The following EFCAB7 variants were observed in gnomAD, a reference collection of about 807,000 sequenced individuals.
EFCAB7 encodes the protein EF-hand calcium-binding domain-containing protein 7.
A neutral mutation model predicts 77.1 loss-of-function variants in EFCAB7; 66 were observed. The ratio of observed to expected loss-of-function variants is 0.86; its 90% CI spans 0.70 to 1.05. The LOEUF (loss-of-function observed/expected upper bound fraction) is 1.05, where lower values mean the gene tolerates loss of function less well. Ranked by LOEUF, EFCAB7 falls within the 50% of genes least tolerant of loss-of-function variation. The pLI is 0.00. For synonymous variants in EFCAB7, 225 were observed against 243.3 expected (o/e 0.92, Z 0.70); for missense variants, 638 against 730.5 (o/e 0.87, Z 1.46).
chr1:63,570,239 G>C (rs1647222104), intron 12 of EFCAB7: 1 of 152,166 alleles, frequency 6.6e-6, no homozygotes, highest in South Asian at 2.1e-4. Flanking sequence ...ATAGTCATTA[G>C]GGTATGATCG....
intron 9 of EFCAB7, among the ~76,000 whole-genome samples, chr1:63,555,733 G>A (rs574471069): frequency 5.9e-4 from 89 of 152,002 alleles, no homozygotes; most frequent in African/African-American, 2.1e-3. Context: ...CTTATATGTG[G>A]GAACTTTTTT....
intron 10 of EFCAB7, among the ~76,000 whole-genome samples, chr1:63,560,514 T>A (rs1253446878): frequency 7.4e-5 from 1 of 13,478 alleles, no homozygotes; most frequent in East Asian, 3.2e-3. Context: ...ACTCTTAACT[T>A]TTTTTTTTTT....
At chr1:63,573,590 C>T (rs541996184), downstream of EFCAB7, among the ~76,000 whole-genome samples, 88 of 152,150 alleles carry the variant, frequency 5.8e-4, 1 homozygote, top group African/African-American at 2.0e-3. Flanking sequence ...CTGTGTAAAC[C>T]GGCAGTGTAA....
chr1:63,523,554 G>C lies in EFCAB7; in HGVS notation c.-82G>C, dbSNP rs530379973. ...GCCATGGTGATTAGAGAAAGGCCGA[G>C]ATCTGTCCAGCTGCGGTGAGAGGAA... On this transcript the variant is annotated 5_prime_UTR_variant, in exon 1 of 14. Coordinates refer to ENST00000371088, the MANE Select transcript of EFCAB7 (RefSeq NM_032437.4). The C allele has an allele frequency of 4.8e-5, 12 of 252,356 alleles. No individual in the cohort carries two copies. In the South Asian group the frequency reaches 5.5e-4, roughly 12 times the overall value. The allele number at this position is 252,356 out of a possible 1,614,324, so 15.6% of individuals were successfully genotyped here.
intron 3 of EFCAB7, 144 bp downstream of exon 3, chr1:63,532,175 A>T (rs1392657188): frequency 1.5e-6 from 1 of 670,406 alleles, no homozygotes; most frequent in African/African-American, 1.8e-5. Flanking sequence ...TAACGTACTT[A>T]GGAATCCTTC....
chr1:63,553,201 G>A (rs1161258295), intron 8 of EFCAB7, among the ~76,000 whole-genome samples: 1 of 152,172 alleles, frequency 6.6e-6, no homozygotes, highest in Non-Finnish European at 1.5e-5. Flanking sequence ...GCAAGGTTAT[G>A]TGTGGAGATA....
At chr1:63,568,834 T>G in intron 12 of EFCAB7, 2 of 182,766 alleles carry the variant, frequency 1.1e-5, no homozygotes, top group Non-Finnish European at 2.3e-5. Flanking sequence ...TATGTATACA[T>G]AGCTATTTTA....
chr1:63,550,340 A>G (rs1447262295), intron 7 of EFCAB7: 2 of 152,168 alleles, frequency 1.3e-5, no homozygotes, highest in Non-Finnish European at 2.9e-5. Flanking sequence ...AGGTTCTCAT[A>G]GTACTACTAA....
At chr1:63,582,486 CT>C in the EFCAB7 span, among the ~76,000 whole-genome samples, 2 of 152,102 alleles carry the variant, frequency 1.3e-5, no homozygotes, top group African/African-American at 2.4e-5. Flanking sequence ...TGCAAAATAC[CT>C]TTTCATCTCA....
intron 11 of EFCAB7, among the ~76,000 whole-genome samples, chr1:63,563,286 T>A (rs1647131013): frequency 6.6e-6 from 1 of 152,210 alleles, no homozygotes; most frequent in African/African-American, 2.4e-5. Context: ...TTTGTATCAT[T>A]TAAATTCAAA....
At chr1:63,562,489 AT>A (rs1557687305) in intron 11 of EFCAB7, among the ~76,000 whole-genome samples, 5 of 67,022 alleles carry the variant, frequency 7.5e-5, no homozygotes, top group African/African-American at 3.3e-4. Context: ...ATATATATAT[AT>A]ATATAAAACT....
rs147655294 is a variant in EFCAB7 at position 63,561,818 on chromosome 1, A to G, written c.1458A>G (p.Leu486=). 1.2e-4 allele frequency: 186 copies of G among 1,606,532 alleles called. 1 individual carries two copies. The African/African-American group carries it at 1.8e-3, about 15-fold the overall frequency. ...EGDPCDLWVT[L]HSMGYNKALE... ...ATCCTTGTGACCTTTGGGTAACTCTACACTCTATGGGCTACAATAAAGCTC... is the reference window on the plus strand; with the variant it reads ...ATCCTTGTGACCTTTGGGTAACTCTGCACTCTATGGGCTACAATAAAGCTC... Residue 486 remains leucine (L), a synonymous_variant, in exon 11 of 14, where the codon CTA becomes CTG. Coordinates refer to ENST00000371088, the MANE Select transcript of EFCAB7 (RefSeq NM_032437.4).
At chr1:63,532,102 A>G in intron 3 of EFCAB7, 71 bp downstream of exon 3, 1 of 1,096,262 alleles carries the variant, frequency 9.1e-7, no homozygotes. Flanking sequence ...TTTGACTACC[A>G]AAGTCCACAT....
At chr1:63,575,054 TTC>T (rs1392419793), downstream of EFCAB7, among the ~76,000 whole-genome samples, 7 of 152,180 alleles carry the variant, frequency 4.6e-5, no homozygotes, top group Admixed American at 1.3e-4. Context: ...TACTATTCAG[TTC>T]TGTTTACCCA....
intron 6 of EFCAB7, among the ~76,000 whole-genome samples, chr1:63,535,288 A>C (rs1458664794): frequency 6.6e-6 from 1 of 152,126 alleles, no homozygotes; most frequent in Non-Finnish European, 1.5e-5. Flanking sequence ...CAATTCAACA[A>C]ATATTCACTA....
chr1:63,569,245 C>T (rs1280911491), intron 12 of EFCAB7: 1 of 152,102 alleles, frequency 6.6e-6, no homozygotes, highest in Non-Finnish European at 1.5e-5. Context: ...CGTTTTTAGT[C>T]AACCTGAGAA....
At chr1:63,555,321 G>A in intron 8 of EFCAB7, 37 bp from the exon 9 acceptor site, 1 of 1,573,962 alleles carries the variant, frequency 6.4e-7, no homozygotes, top group Non-Finnish European at 8.6e-7. Flanking sequence ...AAAAGATTAA[G>A]ACTGATGATT....
intron 10 of EFCAB7, among the ~76,000 whole-genome samples, chr1:63,558,488 C>T (rs2100914402): frequency 6.6e-6 from 1 of 152,264 alleles, no homozygotes; most frequent in South Asian, 2.1e-4. Flanking sequence ...CAAGGCTACA[C>T]AGCAAGAAAG....
At chr1:63,556,586 G>A (rs191395445) in intron 9 of EFCAB7, among the ~76,000 whole-genome samples, 254 of 151,954 alleles carry the variant, frequency 1.7e-3, no homozygotes, top group South Asian at 0.014. Flanking sequence ...CTTACTGTGT[G>A]TTGAGATACT....
Sources: allele counts gnomAD v4.1 joint callset (sites outside exome capture counted in the v4.1 genomes callset), GRCh38; gene constraint gnomAD v4.1.1; transcripts MANE v1.5; gene names NCBI Gene and HGNC (gene_info 2026-07-23, HGNC 2026-07-21).